The following JPH3 variants were observed in gnomAD, a reference collection of about 807,000 sequenced individuals.
JPH3 encodes the protein junctophilin-3.
Under a neutral mutation model 59.6 loss-of-function variants are expected in JPH3, and 11 were observed. The ratio of observed to expected loss-of-function variants is 0.18; its 90% CI spans 0.12 to 0.31. JPH3 has a LOEUF of 0.31. Among genes scored for constraint, JPH3 ranks in the 10% least tolerant of loss-of-function variants. The pLI, the probability that JPH3 is intolerant of heterozygous loss-of-function variation, is 1.00. For missense variants in JPH3, 1,202 were observed against 1,105.7 expected, an observed-to-expected ratio of 1.09 and a Z score of -1.24; for synonymous variants, 673 against 483.6, an observed-to-expected ratio of 1.39 and a Z score of -5.14.
Position 87,646,427 on chromosome 16 carries a change from G to T in JPH3, c.1160+1392G>T, listed in dbSNP as rs145419806. Reference sequence around the variant, plus strand: ...TGCCCCTCCCTGCTCCCTCAGAAATGTTCAGGCAGGGAAATAAACAGCAGC... The same window carrying T: ...TGCCCCTCCCTGCTCCCTCAGAAATTTTCAGGCAGGGAAATAAACAGCAGC... On this transcript the variant is annotated intron_variant, in intron 2 of 4. Transcript: ENST00000284262. 8.5e-5 allele frequency among the ~76,000 whole-genome samples: 13 copies of T among 152,318 alleles called. No individual in the cohort carries two copies. In the East Asian group the frequency reaches 2.5e-3, roughly 29 times the overall value.
chr16:87,638,446 C>A (rs1043628080), intron 1 of JPH3, among the ~76,000 whole-genome samples: 1 of 151,598 alleles, frequency 6.6e-6, no homozygotes, highest in Non-Finnish European at 1.5e-5. Context: ...TGGGGAGACA[C>A]AGGAGCGACC....
intron 1 of JPH3, among the ~76,000 whole-genome samples, chr16:87,626,558 T>A (rs2031382412): frequency 6.6e-6 from 1 of 152,208 alleles, no homozygotes. Flanking sequence ...TAGCTACACA[T>A]GCCCATGGGC....
intron 1 of JPH3, among the ~76,000 whole-genome samples, chr16:87,610,396 T>A (rs1187689109): frequency 2.0e-5 from 3 of 152,222 alleles, no homozygotes; most frequent in Non-Finnish European, 4.4e-5. Flanking sequence ...GCAGCACTGG[T>A]CTGGAGTGTA....
At chr16:87,680,339 G>T (rs996335474) in intron 2 of JPH3, among the ~76,000 whole-genome samples, 14 of 152,278 alleles carry the variant, frequency 9.2e-5, no homozygotes, top group Non-Finnish European at 1.9e-4. Context: ...AAGGGCTGCG[G>T]CGTGTGGAGG....
chr16:87,603,895 C>T (rs1175635503), intron 1 of JPH3, among the ~76,000 whole-genome samples: 1 of 152,250 alleles, frequency 6.6e-6, no homozygotes, highest in Non-Finnish European at 1.5e-5. Context: ...AGGGCCCCTC[C>T]CCTTGTTGGC....
chr16:87,660,079 C>T (rs2032652236), intron 2 of JPH3, among the ~76,000 whole-genome samples: 1 of 152,170 alleles, frequency 6.6e-6, no homozygotes, highest in African/African-American at 2.4e-5. Flanking sequence ...CCTGGGAAAG[C>T]AGCGTCACCT....
At chr16:87,638,615 G>C (rs542802352) in intron 1 of JPH3, among the ~76,000 whole-genome samples, 2 of 151,942 alleles carry the variant, frequency 1.3e-5, no homozygotes, top group East Asian at 3.9e-4. Flanking sequence ...CTTGGTTCAT[G>C]GCAGGGCTTG....
intron 1 of JPH3, among the ~76,000 whole-genome samples, chr16:87,641,560 T>C (rs1257431839): frequency 1.3e-5 from 2 of 152,206 alleles, no homozygotes; most frequent in East Asian, 1.9e-4. Flanking sequence ...CACGTCCTTC[T>C]TCCTGGTACC....
chr16:87,635,871 G>A (rs1382326278), intron 1 of JPH3, among the ~76,000 whole-genome samples: 6 of 152,208 alleles, frequency 3.9e-5, no homozygotes, highest in East Asian at 1.9e-4. Flanking sequence ...AGGCAGCACC[G>A]ACATCCACTG....
At chr16:87,692,236 T>G (rs1290131856) in intron 4 of JPH3, among the ~76,000 whole-genome samples, 1 of 121,126 alleles carries the variant, frequency 8.3e-6, no homozygotes, top group Non-Finnish European at 1.8e-5. Flanking sequence ...TCCCCACAGC[T>G]TTGGAGCTGT....
chr16:87,695,600 C>T (rs1450922286), intron 4 of JPH3: 1 of 455,934 alleles, frequency 2.2e-6, no homozygotes, highest in Non-Finnish European at 4.4e-6. Flanking sequence ...GAGTGGGTGT[C>T]CCAGCCATTC....
At chr16:87,666,251 G>C (rs1193247688) in intron 2 of JPH3, among the ~76,000 whole-genome samples, 1 of 151,942 alleles carries the variant, frequency 6.6e-6, no homozygotes, top group African/African-American at 2.4e-5. Flanking sequence ...ACCATGCCCA[G>C]CTAATTTTTA....
At chr16:87,608,164 T>TCTGA (rs1400899585) in intron 1 of JPH3, among the ~76,000 whole-genome samples, 2 of 152,156 alleles carry the variant, frequency 1.3e-5, no homozygotes, top group African/African-American at 4.8e-5. Flanking sequence ...GAGAGAGAAC[T>TCTGA]CTGACCCCTT....
intron 1 of JPH3, among the ~76,000 whole-genome samples, chr16:87,617,385 T>A (rs1351177755): frequency 6.9e-6 from 1 of 145,224 alleles, no homozygotes; most frequent in Non-Finnish European, 1.6e-5. Context: ...TTTAAAAAGC[T>A]GCTGCCAACT....
intron 4 of JPH3, chr16:87,694,748 A>T: frequency 6.1e-6 from 1 of 163,866 alleles, no homozygotes; most frequent in Non-Finnish European, 1.3e-5. Flanking sequence ...TACAGCCATC[A>T]CCCCCAATTC....
At chr16:87,604,562 T>G in intron 1 of JPH3, 1 of 1,246,624 alleles carries the variant, frequency 8.0e-7, no homozygotes. Context: ...CAGGCATGGA[T>G]GCCTGGGAAG....
intron 1 of JPH3, among the ~76,000 whole-genome samples, chr16:87,631,169 T>C (rs913420863): frequency 2.6e-5 from 4 of 152,200 alleles, no homozygotes; most frequent in African/African-American, 9.6e-5. Flanking sequence ...TATTGATTGA[T>C]TGCCTTCTTC....
chr16:87,693,208 T>C (rs555892279), intron 4 of JPH3, among the ~76,000 whole-genome samples: 19 of 152,300 alleles, frequency 1.2e-4, no homozygotes, highest in African/African-American at 4.6e-4. Flanking sequence ...AGGTCCCTGA[T>C]AGGCTGGGAG....
intron 2 of JPH3, among the ~76,000 whole-genome samples, chr16:87,671,985 G>C (rs373211593): frequency 6.6e-6 from 1 of 152,204 alleles, no homozygotes; most frequent in African/African-American, 2.4e-5. Context: ...CTCGCTTCAG[G>C]TGCCTGACGG....
Sources: allele counts gnomAD v4.1 joint callset (sites outside exome capture counted in the v4.1 genomes callset), GRCh38; gene constraint gnomAD v4.1.1; transcripts MANE v1.5; gene names NCBI Gene and HGNC (gene_info 2026-07-23, HGNC 2026-07-21).